Variants in MAK observed in about 807,000 individuals in gnomAD.
The protein encoded by MAK is serine/threonine-protein kinase MAK.
In MAK, 65 loss-of-function variants were observed where a neutral mutation model predicts 82.6. The observed-to-expected ratio is 0.79, with a 90% CI of 0.64 to 0.97. MAK has a LOEUF of 0.97. Among genes scored for constraint, MAK ranks in the 50% least tolerant of loss-of-function variants. MAK has a pLI of 0.00. For synonymous variants in MAK, 250 were observed against 274.2 expected (o/e 0.91, Z 0.87); for missense variants, 703 against 780.2 (o/e 0.90, Z 1.18).
At position 10,779,230 on chromosome 6, in the gene MAK, A is replaced by AG. The variant is rs1212304382; in HGVS notation, c.1466-3772dup. 26 of 573,686 alleles carry AG rather than the reference A, an allele frequency of 4.5e-5. No homozygotes were observed. In the South Asian group the frequency reaches 1.5e-3, roughly 34 times the overall value. 35.5% of individuals were successfully genotyped at this position (573,686 alleles called of 1,614,324 possible). On this transcript the variant is annotated intron_variant, in intron 11 of 14. Coordinates refer to ENST00000354489, the MANE Select transcript of MAK (RefSeq NM_001242957.3). ...TGCCCAGAGTCCCGGCTCTAGGAGC[A>AG]GGGGGTGAGACCAGAGGGCACTGCT...
At chr6:10,785,447 A>G (rs1332194491) in intron 10 of MAK, among the ~76,000 whole-genome samples, 4 of 152,176 alleles carry the variant, frequency 2.6e-5, no homozygotes, top group South Asian at 2.1e-4. Flanking sequence ...AACTCCAAGC[A>G]TCCATGGTTT....
At chr6:10,782,009 C>G (rs985950209) in intron 11 of MAK, among the ~76,000 whole-genome samples, 9 of 152,030 alleles carry the variant, frequency 5.9e-5, no homozygotes, top group Non-Finnish European at 1.2e-4. Context: ...AGTTCAAGAC[C>G]AACCTGGCCA....
intron 11 of MAK, among the ~76,000 whole-genome samples, chr6:10,777,174 A>AGGGAGGTGGATCACCTGAGGTC: frequency 6.6e-6 from 1 of 152,278 alleles, no homozygotes; most frequent in South Asian, 2.1e-4. Context: ...TGGGAGGCTG[A>AGGGAGGTGGATCACCTGAGGTC]GGGAGGTGGA....
At chr6:10,805,236 A>G (rs1776334626) in intron 6 of MAK, among the ~76,000 whole-genome samples, 1 of 152,206 alleles carries the variant, frequency 6.6e-6, no homozygotes, top group African/African-American at 2.4e-5. Context: ...ATGTTTCTCA[A>G]ATGTATGTAT....
chr6:10,813,806 G>C, intron 4 of MAK, 83 bp from the exon 5 acceptor site: 1 of 794,402 alleles, frequency 1.3e-6, no homozygotes, highest in South Asian at 1.3e-5. Flanking sequence ...CCCTGCCTTG[G>C]AGCCTCTACT....
intron 13 of MAK, 57 bp from the exon 14 acceptor site, chr6:10,770,287 A>T: frequency 6.4e-7 from 1 of 1,569,246 alleles, no homozygotes; most frequent in South Asian, 1.1e-5. Flanking sequence ...GGCACAGTAG[A>T]ATAACATTGA....
intron 7 of MAK, among the ~76,000 whole-genome samples, chr6:10,802,759 T>G (rs867366898): frequency 6.6e-6 from 1 of 152,176 alleles, no homozygotes; most frequent in South Asian, 2.1e-4. Context: ...ACCCATTGCA[T>G]ACAATGTTAA....
At chr6:10,823,680 C>T (rs931771183) in intron 2 of MAK, among the ~76,000 whole-genome samples, 20 of 152,126 alleles carry the variant, frequency 1.3e-4, no homozygotes, top group Non-Finnish European at 2.9e-4. Flanking sequence ...CAGGCACACA[C>T]GACCACACCC....
chr6:10,794,480 C>T (rs918288977), intron 9 of MAK, among the ~76,000 whole-genome samples: 3 of 151,970 alleles, frequency 2.0e-5, no homozygotes, highest in African/African-American at 4.8e-5. Flanking sequence ...TATTGGGGGA[C>T]GAGGAGGCCT....
intron 2 of MAK, among the ~76,000 whole-genome samples, chr6:10,825,319 C>A (rs528724093): frequency 6.6e-6 from 1 of 152,176 alleles, no homozygotes; most frequent in Non-Finnish European, 1.5e-5. Context: ...CTTCTTGATA[C>A]GTGCTTCTGC....
chr6:10,816,048 A>G (rs1777480504), intron 4 of MAK, among the ~76,000 whole-genome samples: 1 of 150,900 alleles, frequency 6.6e-6, no homozygotes, highest in Admixed American at 6.6e-5. Context: ...CTCCTGGCCA[A>G]CGCAGTGAAA....
intron 7 of MAK, among the ~76,000 whole-genome samples, chr6:10,803,259 G>A (rs183846829): frequency 2.0e-5 from 3 of 152,242 alleles, no homozygotes; most frequent in South Asian, 4.1e-4. Flanking sequence ...GATTACAGCC[G>A]GGCGTGGTGG....
At chr6:10,828,740 A>C (rs941754748) in intron 2 of MAK, among the ~76,000 whole-genome samples, 1 of 152,080 alleles carries the variant, frequency 6.6e-6, no homozygotes, top group African/African-American at 2.4e-5. Flanking sequence ...GGCTATAGTG[A>C]GCTATGTTTG....
intron 10 of MAK, among the ~76,000 whole-genome samples, chr6:10,786,459 T>C (rs1774547607): frequency 2.8e-5 from 4 of 144,758 alleles, no homozygotes; most frequent in Non-Finnish European, 4.5e-5. Context: ...AATGCACCAG[T>C]TCACCTCCTA....
At chr6:10,771,032 A>G (rs1772967340) in intron 13 of MAK, among the ~76,000 whole-genome samples, 1 of 152,068 alleles carries the variant, frequency 6.6e-6, no homozygotes, top group African/African-American at 2.4e-5. Context: ...CATGAATAGC[A>G]ACATAGGAGG....
intron 11 of MAK, among the ~76,000 whole-genome samples, chr6:10,779,127 CAAAAAAAAAAA>C (rs918122203): frequency 4.5e-4 from 9 of 20,014 alleles, no homozygotes; most frequent in East Asian, 1.6e-3. Context: ...CACTTCGTCT[CAAAAAAAAAAA>C]AAAAAAAAAA....
chr6:10,806,493 C>G (rs1489929937), intron 6 of MAK, among the ~76,000 whole-genome samples: 2 of 145,832 alleles, frequency 1.4e-5, no homozygotes, highest in African/African-American at 5.1e-5. Context: ...TGCCCGCCAC[C>G]ACACCCGTCT....
chr6:10,771,015 C>T (rs768376565), intron 13 of MAK, among the ~76,000 whole-genome samples: 7 of 151,622 alleles, frequency 4.6e-5, no homozygotes, highest in African/African-American at 9.7e-5. Flanking sequence ...CTGGGGGGTG[C>T]GTTGTCCATG....
rs1182763616 is a variant in MAK at position 10,799,985 on chromosome 6, G to A, written c.831+1907C>T. 1.4e-4 allele frequency among the ~76,000 whole-genome samples: 22 copies of A among 151,940 alleles called. 1 individual carries two copies. The highest frequency in any genetic ancestry group is 1.2e-3 in the Admixed American group (19 of 15,232). Reference sequence around the variant, plus strand: ...ATTGCTTGTATCTGGGAGGCGGAGGGTGTAGTGAACCGAGATCACGCTACT... The same window carrying A: ...ATTGCTTGTATCTGGGAGGCGGAGGATGTAGTGAACCGAGATCACGCTACT... On this transcript the variant is annotated intron_variant, in intron 8 of 14. Coordinates refer to ENST00000354489, the MANE Select transcript of MAK (RefSeq NM_001242957.3).
Sources: allele counts gnomAD v4.1 joint callset (sites outside exome capture counted in the v4.1 genomes callset), GRCh38; gene constraint gnomAD v4.1.1; transcripts MANE v1.5; gene names NCBI Gene and HGNC (gene_info 2026-07-23, HGNC 2026-07-21).